The following AQP7 variants were observed in gnomAD, a reference collection of about 807,000 sequenced individuals.
AQP7 encodes the protein aquaporin 7.
A neutral mutation model predicts 26.1 loss-of-function variants in AQP7; 22 were observed. The observed-to-expected ratio is 0.84, with a 90% CI of 0.60 to 1.20. The LOEUF is 1.20. Among genes scored for constraint, AQP7 ranks in the 50% most tolerant of loss-of-function variants. The pLI, the probability that AQP7 is intolerant of heterozygous loss-of-function variation, is 0.00. For synonymous variants in AQP7, 167 were observed against 181.7 expected, an observed-to-expected ratio of 0.92 and a Z score of 0.65; for missense variants, 412 against 457.5, an observed-to-expected ratio of 0.90 and a Z score of 0.91.
chr9:33,401,952 A>G (rs1183665448), intron 1 of AQP7: 1 of 152,554 alleles, frequency 6.6e-6, no homozygotes, highest in Non-Finnish European at 1.5e-5. Flanking sequence ...GCCCCTCAGG[A>G]GGGGACTGCG....
At position 33,384,707 on chromosome 9, in the gene AQP7, A is replaced by G. The variant is rs1350068021; in HGVS notation, c.*298T>C. 3.4e-6 allele frequency: 1 copy of G among 290,444 alleles called. No homozygotes were observed. The highest frequency in any genetic ancestry group is 2.2e-5 in the African/African-American group (1 of 45,552). The allele number at this position is 290,444 out of a possible 1,614,324, so 18.0% of individuals were successfully genotyped here. A position where few individuals can be genotyped will look rare whatever the true frequency, so the allele number is the denominator to read the frequency against. ...CAGCTACGGTCTGTTCCCCAAAACC[A>G]CCCTTCCTTCCCCCGTGCCTGAAAA... On this transcript the variant is annotated 3_prime_UTR_variant, in exon 8 of 8. Coordinates refer to ENST00000297988, the MANE Select transcript of AQP7 (RefSeq NM_001170.3).
chr9:33,385,859 A>C lies in AQP7; in HGVS notation c.533T>G (p.Leu178Arg). 1 of 1,607,484 alleles carries C rather than the reference A, an allele frequency of 6.2e-7. No individual in the cohort carries two copies. The highest frequency in any genetic ancestry group is 1.3e-5 in the African/African-American group (1 of 74,890). Residue 178 changes from leucine (L) to arginine (R), a missense_variant, in exon 7 of 8, where the codon CTG becomes CGG. By Grantham distance (102) the Leu-to-Arg change is moderately radical. Transcript: ENST00000297988. ...GAGACACAGCTGGAGCATCCCGGTC[A>C]GCCACGCCTGAGGAGCAGATGCTGT... ...LWRGFLNEAW[L>R]TGMLQLCLFA...
At chr9:33,386,566 A>C in intron 4 of AQP7, 25 bp from the exon 5 acceptor site, 1 of 1,606,152 alleles carries the variant, frequency 6.2e-7, no homozygotes, top group Non-Finnish European at 8.5e-7. Context: ...CAAGTGTGTC[A>C]GGGAGTGAGA....
At chr9:33,395,503 C>A in intron 2 of AQP7, 1 of 355,778 alleles carries the variant, frequency 2.8e-6, no homozygotes, top group Non-Finnish European at 5.3e-6. Context: ...ATCCACGGTG[C>A]CAACAAGCCT....
chr9:33,400,573 G>C (rs1826192751), intron 2 of AQP7, among the ~76,000 whole-genome samples: 1 of 152,114 alleles, frequency 6.6e-6, no homozygotes, highest in African/African-American at 2.4e-5. Context: ...CCTGAGGTCA[G>C]GAGTTCAAGA....
At chr9:33,396,376 T>C (rs1211757357) in intron 2 of AQP7, among the ~76,000 whole-genome samples, 1 of 143,706 alleles carries the variant, frequency 7.0e-6, no homozygotes, top group Non-Finnish European at 1.5e-5. Flanking sequence ...AGATGGAGGT[T>C]GTGGTGAGCC....
chr9:33,386,417 G>A lies in AQP7; in HGVS notation c.393C>T (p.Tyr131=), dbSNP rs1434097492. 1.9e-6 allele frequency: 3 copies of A among 1,610,850 alleles called. No individual in the cohort carries two copies. The Admixed American group carries it at 5.0e-5, about 27-fold the overall frequency. The change falls in exon 5 of 8, where the codon TAC becomes TAT. Residue 131 remains tyrosine (Y), a synonymous_variant. Transcript: ENST00000297988. Reference sequence around the variant, plus strand: ...CAGGATACTCACTGTAGAAGAGACTGTAGATGGTGGCAGCCGCCAGGAAGG... The same window carrying A: ...CAGGATACTCACTGTAGAAGAGACTATAGATGGTGGCAGCCGCCAGGAAGG... ...LGSFLAAATI[Y]SLFYTAILHF... is the part of the protein sequence containing the mutation.
intron 3 of AQP7, chr9:33,393,887 TCTC>T (rs1355570803): frequency 6.6e-6 from 1 of 152,396 alleles, no homozygotes; most frequent in Admixed American, 6.5e-5. Context: ...CTGCTCTGGT[TCTC>T]CTCCCACCTC....
intron 2 of AQP7, among the ~76,000 whole-genome samples, chr9:33,399,027 G>T (rs921402340): frequency 6.6e-6 from 1 of 150,474 alleles, no homozygotes; most frequent in Non-Finnish European, 1.5e-5. Context: ...CTGAAGTGCG[G>T]TGGTGGCACA....
At chr9:33,390,935 C>T (rs1372443512) in intron 3 of AQP7, among the ~76,000 whole-genome samples, 3 of 152,136 alleles carry the variant, frequency 2.0e-5, no homozygotes, top group African/African-American at 4.8e-5. Flanking sequence ...CATGGTGAAA[C>T]CCCGTCTCTA....
chr9:33,384,768 C>G lies in AQP7; in HGVS notation c.*237G>C. 2.0e-6 allele frequency: 1 copy of G among 500,588 alleles called. No individual in the cohort carries two copies. The highest frequency in any genetic ancestry group is 3.5e-6 in the Non-Finnish European group (1 of 286,038). The allele number at this position is 500,588 out of a possible 1,614,324, so 31.0% of individuals were successfully genotyped here. A position where few individuals can be genotyped will look rare whatever the true frequency, so the allele number is the denominator to read the frequency against. ...TGTCGTTCTTTCATCTCACCCTGTT[C>G]CTACTGAGGGCGCAGGTCATCTCTT... is the stretch of plus-strand genomic sequence containing the variant. On this transcript the variant is annotated 3_prime_UTR_variant, in exon 8 of 8. Coordinates refer to ENST00000297988, the MANE Select transcript of AQP7 (RefSeq NM_001170.3).
chr9:33,402,304 G>A (rs1213847329), intron 1 of AQP7, 69 bp downstream of exon 1: 5 of 152,352 alleles, frequency 3.3e-5, no homozygotes, highest in African/African-American at 4.8e-5. Flanking sequence ...GGTACCCAGG[G>A]AATGGCCCTT....
intron 2 of AQP7, among the ~76,000 whole-genome samples, chr9:33,400,467 C>T (rs1826184819): frequency 6.6e-6 from 1 of 152,068 alleles, no homozygotes; most frequent in African/African-American, 2.4e-5. Flanking sequence ...GGACTCTCAG[C>T]ATGTTTGAAG....
intron 2 of AQP7, among the ~76,000 whole-genome samples, chr9:33,400,270 A>G (rs1482782540): frequency 1.3e-5 from 2 of 148,182 alleles, no homozygotes; most frequent in Non-Finnish European, 2.9e-5. Flanking sequence ...GCTCCTACGG[A>G]AAAAAACAGA....
intron 3 of AQP7, among the ~76,000 whole-genome samples, chr9:33,392,095 C>T (rs1423716990): frequency 1.3e-5 from 2 of 152,278 alleles, no homozygotes; most frequent in South Asian, 4.1e-4. Flanking sequence ...GGGAGGATCA[C>T]TTGAAGTCAG....
intron 3 of AQP7, among the ~76,000 whole-genome samples, chr9:33,392,854 G>T (rs982568061): frequency 5.3e-5 from 8 of 152,164 alleles, no homozygotes; most frequent in Non-Finnish European, 8.8e-5. Flanking sequence ...GGTACCACAG[G>T]TGTACTGGGT....
chr9:33,402,120 C>T (rs745760715), intron 1 of AQP7, among the ~76,000 whole-genome samples: 4 of 152,288 alleles, frequency 2.6e-5, no homozygotes, highest in South Asian at 2.1e-4. Flanking sequence ...TCTGCTCTAC[C>T]GCTGGTCCTC....
intron 2 of AQP7, among the ~76,000 whole-genome samples, chr9:33,400,805 G>A (rs1201067068): frequency 1.3e-5 from 2 of 150,160 alleles, no homozygotes; most frequent in South Asian, 2.1e-4. Context: ...ATTCCATCTC[G>A]GAAAAAAAAA....
chr9:33,401,083 T>C, intron 2 of AQP7, 154 bp downstream of exon 2: 2 of 803,664 alleles, frequency 2.5e-6, no homozygotes, highest in South Asian at 1.6e-5. Flanking sequence ...GCTCTTCTTC[T>C]GGGACCTCAG....
Sources: gnomAD v4.1 joint callset for allele counts (sites outside exome capture counted in the v4.1 genomes callset) on GRCh38, gnomAD v4.1.1 for gene constraint, MANE v1.5 for transcripts, NCBI Gene and HGNC (gene_info 2026-07-23, HGNC 2026-07-21) for gene names.